Variants in PXN observed in about 807,000 individuals in gnomAD.
The protein encoded by PXN is testicular tissue protein Li 134.
Under a neutral mutation model 103.6 loss-of-function variants are expected in PXN, and 61 were observed. The observed-to-expected ratio is 0.59, with a 90% CI of 0.48 to 0.73. The LOEUF is 0.73. PXN is among the 30% of genes least tolerant of loss of function. The probability of loss-of-function intolerance (pLI) is 0.00; values close to 1 mark genes in which losing one functional copy is unlikely to be tolerated. For missense variants in PXN, 1,274 were observed against 1,460.3 expected (o/e 0.87, Z 2.08); for synonymous variants, 562 against 607.8 (o/e 0.92, Z 1.11).
intron 1 of PXN, among the ~76,000 whole-genome samples, chr12:120,241,292 T>A (rs962270032): frequency 6.6e-6 from 1 of 152,098 alleles, no homozygotes; most frequent in Non-Finnish European, 1.5e-5. Flanking sequence ...TCCCAGGTGA[T>A]CAGAATTTCT....
chr12:120,249,527 C>T (rs994278360), intron 1 of PXN, among the ~76,000 whole-genome samples: 1 of 152,162 alleles, frequency 6.6e-6, no homozygotes, highest in Non-Finnish European at 1.5e-5. Context: ...ATCAAGCATC[C>T]CCCAGGATGG....
chr12:120,258,225 C>T (rs532473330), intron 1 of PXN, among the ~76,000 whole-genome samples: 9 of 151,886 alleles, frequency 5.9e-5, no homozygotes, highest in Non-Finnish European at 1.2e-4. Context: ...CTCTGCATCC[C>T]ATCAGCCTAG....
Position 120,229,446 on chromosome 12 carries a change from C to T in PXN, c.14-5069G>A, listed in dbSNP as rs1887581941. On this transcript the variant is annotated intron_variant, in intron 1 of 14. Transcript: ENST00000637617. The surrounding 1 kb of genome is among the most constrained non-coding windows in gnomAD (Gnocchi z 4.0). Reference sequence around the variant, plus strand: ...GGACCCAGAGCGATTCCATTCTCTCCTCCCAGGCTCTGAGGACTTTCAGTG... The same window carrying T: ...GGACCCAGAGCGATTCCATTCTCTCTTCCCAGGCTCTGAGGACTTTCAGTG... Among the ~76,000 whole-genome samples the T allele has an allele frequency of 6.6e-6, 1 of 152,148 alleles. No individual in the cohort carries two copies. The highest frequency in any genetic ancestry group is 2.4e-5 in the African/African-American group (1 of 41,412).
intron 1 of PXN, among the ~76,000 whole-genome samples, chr12:120,238,820 G>A (rs987129027): frequency 2.0e-4 from 31 of 152,132 alleles, no homozygotes; most frequent in African/African-American, 7.2e-4. Context: ...GAGGTGCTAG[G>A]GTGAACCCCA....
At chr12:120,259,592 G>T (rs1893547177) in intron 1 of PXN, among the ~76,000 whole-genome samples, 1 of 152,164 alleles carries the variant, frequency 6.6e-6, no homozygotes, top group Admixed American at 6.5e-5. Flanking sequence ...CCAACCGCAT[G>T]TTCTGTCTAC....
chr12:120,260,385 C>T (rs1893684036), intron 1 of PXN, among the ~76,000 whole-genome samples: 1 of 151,868 alleles, frequency 6.6e-6, no homozygotes, highest in Non-Finnish European at 1.5e-5. Flanking sequence ...GGCTCATGCC[C>T]CCAGCTACTT....
At chr12:120,230,527 T>A (rs1887793519) in intron 1 of PXN, among the ~76,000 whole-genome samples, 1 of 152,122 alleles carries the variant, frequency 6.6e-6, no homozygotes, top group African/African-American at 2.4e-5. Context: ...GAAGGAGCTA[T>A]GTAAACAGCA....
intron 1 of PXN, chr12:120,226,564 T>C: frequency 8.3e-7 from 1 of 1,208,616 alleles, no homozygotes; most frequent in African/African-American, 1.6e-5. Context: ...AAACACCCGC[T>C]CCACCACAAT....
In PXN at chr12:120,229,581, A is replaced by G. The variant is rs989872100; in HGVS notation, c.14-5204T>C. ...GCCTCAGTTTCCTTGTCTGCCCAAT[A>G]GGAATTCCACCATTTTACTCACAGG... On this transcript the variant is annotated intron_variant, in intron 1 of 14. Transcript: ENST00000637617. The surrounding 1 kb of genome is among the most constrained non-coding windows in gnomAD (Gnocchi z 4.0). 1.6e-4 allele frequency among the ~76,000 whole-genome samples: 25 copies of G among 152,182 alleles called. No individual in the cohort carries two copies. Among genetic ancestry groups the G allele is most frequent in the African/African-American group, 5.8e-4 (24 of 41,450 alleles).
At chr12:120,263,269 A>T (rs1894156536) in intron 1 of PXN, among the ~76,000 whole-genome samples, 1 of 152,124 alleles carries the variant, frequency 6.6e-6, no homozygotes, top group Admixed American at 6.5e-5. Context: ...GCAAAGGCAA[A>T]TTCCTCTCCC....
At position 120,222,470 on chromosome 12, in the gene PXN, G is replaced by C; in HGVS notation, c.695+79C>G. ...CACGGGAGGGAGTGGGTGATACCAGGGCTAAGGGGACAGACACTGGACCCG... is the reference window on the plus strand; with the variant it reads ...CACGGGAGGGAGTGGGTGATACCAGCGCTAAGGGGACAGACACTGGACCCG... On this transcript the variant is annotated intron_variant, in intron 5 of 14. Coordinates refer to ENST00000637617, the MANE Select transcript of PXN (RefSeq NM_001385981.1). The surrounding 1 kb of genome is among the most constrained non-coding windows in gnomAD (Gnocchi z 4.7). The C allele has an allele frequency of 7.0e-7, 1 of 1,433,582 alleles. No individual in the cohort carries two copies. The highest frequency in any genetic ancestry group is 9.4e-7 in the Non-Finnish European group (1 of 1,066,010). 88.8% of individuals were successfully genotyped at this position (1,433,582 alleles called of 1,614,324 possible).
chr12:120,243,532 A>T (rs564940804), intron 1 of PXN, among the ~76,000 whole-genome samples: 2 of 152,338 alleles, frequency 1.3e-5, no homozygotes, highest in Non-Finnish European at 2.9e-5. Context: ...TCTACAAAAA[A>T]TTTTTAAAAA....
intron 1 of PXN, among the ~76,000 whole-genome samples, chr12:120,263,589 C>T (rs1473267346): frequency 6.6e-6 from 1 of 152,208 alleles, no homozygotes; most frequent in Non-Finnish European, 1.5e-5. Flanking sequence ...GAGAATCAGC[C>T]TCTCTTCGTC....
intron 1 of PXN, among the ~76,000 whole-genome samples, chr12:120,236,541 C>T (rs901519631): frequency 6.7e-6 from 1 of 150,208 alleles, no homozygotes; most frequent in East Asian, 2.0e-4. Context: ...ACAGTGGCGC[C>T]ATCTCAGCTC....
chr12:120,213,802 C>A lies in PXN; in HGVS notation c.2979+40G>T. On this transcript the variant is annotated intron_variant, in intron 14 of 14. Transcript: ENST00000637617. This position sits in a 1 kb window ranked among gnomAD's most constrained non-coding sequence, Gnocchi z 4.2. ...AGGAAGACCCCTCTCTCCCCACTGCCTGCTCCTCGCCCCTCCAGATGTGGT... is the reference window on the plus strand; with the variant it reads ...AGGAAGACCCCTCTCTCCCCACTGCATGCTCCTCGCCCCTCCAGATGTGGT... 6.3e-7 allele frequency: 1 copy of A among 1,589,720 alleles called. No homozygotes were observed. The highest frequency in any genetic ancestry group is 8.6e-7 in the Non-Finnish European group (1 of 1,168,274).
At chr12:120,230,776 C>T (rs1321885625) in intron 1 of PXN, among the ~76,000 whole-genome samples, 2 of 152,004 alleles carry the variant, frequency 1.3e-5, no homozygotes, top group East Asian at 1.9e-4. Flanking sequence ...TCCTGATAAC[C>T]GTCTGTCCTC....
Position 120,216,666 on chromosome 12 carries a change from CT to C in PXN, c.1993-86del, listed in dbSNP as rs776117200. The C allele has an allele frequency of 1.9e-6, 3 of 1,577,226 alleles. No homozygotes were observed. The highest frequency in any genetic ancestry group is 1.4e-5 in the African/African-American group (1 of 73,178). On this transcript the variant is annotated intron_variant, in intron 8 of 14. Coordinates refer to ENST00000637617, the MANE Select transcript of PXN (RefSeq NM_001385981.1). This position sits in a 1 kb window ranked among gnomAD's most constrained non-coding sequence, Gnocchi z 5.1. ...GTGGCGGGACCTCCCCAGGCTCCCCCTGGGCCTTCCCACTCTGCACCAAGAG... is the reference window on the plus strand; with the variant it reads ...GTGGCGGGACCTCCCCAGGCTCCCCCGGGCCTTCCCACTCTGCACCAAGAG...
rs779273808 is a variant in PXN, at chr12:120,222,994, G to A, written c.362C>T (p.Pro121Leu). The change falls in exon 4 of 15, where the codon CCC becomes CTC. Residue 121 changes from proline to leucine, a missense_variant. Transcript: ENST00000637617. The surrounding 1 kb of genome is among the most constrained non-coding windows in gnomAD (Gnocchi z 4.7). ...VGEEEHVYSF[P>L]NKQKSAEPSP... is the part of the protein sequence containing the mutation. ...AGGCTCAGCTGATTTCTGCTTGTTGGGGAAGCTTTGAGAGGCAAAGGAAAG... is the reference window on the plus strand; with the variant it reads ...AGGCTCAGCTGATTTCTGCTTGTTGAGGAAGCTTTGAGAGGCAAAGGAAAG... The A allele has an allele frequency of 8.1e-6, 13 of 1,613,922 alleles. No individual in the cohort carries two copies. Among genetic ancestry groups the A allele is most frequent in the Non-Finnish European group, 9.3e-6 (11 of 1,179,880 alleles).
In PXN at chr12:120,218,194, G is replaced by C. The variant is rs541842502; in HGVS notation, c.1716+1013C>G. 1.2e-4 allele frequency among the ~76,000 whole-genome samples: 18 copies of C among 151,942 alleles called. No individual in the cohort carries two copies. The East Asian group carries it at 1.8e-3, about 15-fold the overall frequency. On this transcript the variant is annotated intron_variant, in intron 7 of 14. Transcript: ENST00000637617. Reference sequence around the variant, plus strand: ...CCAGCAGCTGGGACTATAGGCATGTGCAACCACGCCCAGCTAATCTTTAAT... The same window carrying C: ...CCAGCAGCTGGGACTATAGGCATGTCCAACCACGCCCAGCTAATCTTTAAT...
Sources: gnomAD v4.1 joint callset for allele counts (sites outside exome capture counted in the v4.1 genomes callset) on GRCh38, gnomAD v4.1.1 for gene constraint, Gnocchi (gnomAD v3.1) non-coding constraint, MANE v1.5 for transcripts, NCBI Gene and HGNC (gene_info 2026-07-23, HGNC 2026-07-21) for gene names.